The following RAB21 variants were observed in gnomAD, a reference collection of about 807,000 sequenced individuals.
The protein encoded by RAB21 is RAB21, member RAS oncogene family.
RAB21 carries 13 observed loss-of-function variants against 33.1 expected under a neutral mutation model. The observed-to-expected ratio is 0.39, with a 90% CI of 0.26 to 0.62. The LOEUF is 0.62. Among genes scored for constraint, RAB21 ranks in the 20% least tolerant of loss-of-function variants. The pLI is 0.48. For missense variants in RAB21, 234 were observed against 279.1 expected, an observed-to-expected ratio of 0.84 and a Z score of 1.15; for synonymous variants, 91 against 103.7, an observed-to-expected ratio of 0.88 and a Z score of 0.74.
At chr12:71,769,279 A>G (rs1883006258) in intron 1 of RAB21, among the ~76,000 whole-genome samples, 1 of 152,114 alleles carries the variant, frequency 6.6e-6, no homozygotes, top group African/African-American at 2.4e-5. Context: ...CTTTATTTTT[A>G]TTTCTCTAGT....
chr12:71,764,788 C>A (rs1882934198), intron 1 of RAB21, among the ~76,000 whole-genome samples: 1 of 152,154 alleles, frequency 6.6e-6, no homozygotes, highest in Admixed American at 6.5e-5. Flanking sequence ...GACATTATTT[C>A]ATTCCTTTTT....
intron 1 of RAB21, among the ~76,000 whole-genome samples, chr12:71,756,212 A>T (rs1442605365): frequency 6.6e-6 from 1 of 152,180 alleles, no homozygotes; most frequent in Non-Finnish European, 1.5e-5. Context: ...ACCTCCATCC[A>T]TTTAACTAGC....
Position 71,794,428 on chromosome 12 carries a change from T to TG in RAB21, c.*8755_*8756insG, listed in dbSNP as rs1491554627. The TG allele has an allele frequency of 1.2e-4, 4 of 34,526 alleles. No individual in the cohort carries two copies. Among genetic ancestry groups the TG allele is most frequent in the Non-Finnish European group, 1.9e-4 (4 of 21,036 alleles). The allele number at this position is 34,526 out of a possible 1,614,324, so 2.1% of individuals were successfully genotyped here. ...TATTATATATATATATATATATATA[T>TG]TTTTTTTTTTTTTTTTTTTTTTTTT... is the stretch of plus-strand genomic sequence containing the variant. On this transcript the variant is annotated 3_prime_UTR_variant, in exon 7 of 7. Coordinates refer to ENST00000261263, the MANE Select transcript of RAB21 (RefSeq NM_014999.4).
intron 1 of RAB21, among the ~76,000 whole-genome samples, chr12:71,764,653 T>TA (rs1180357722): frequency 1.3e-5 from 2 of 152,254 alleles, no homozygotes; most frequent in East Asian, 3.9e-4. Flanking sequence ...TATCATTTCT[T>TA]ACACCTTTGC....
chr12:71,755,918 C>G (rs1288283440), intron 1 of RAB21, among the ~76,000 whole-genome samples: 1 of 152,194 alleles, frequency 6.6e-6, no homozygotes, highest in East Asian at 1.9e-4. Context: ...TACTGGCCAA[C>G]AATTGGTCCC....
intron 1 of RAB21, 23 bp downstream of exon 1, chr12:71,755,311 G>T (rs775033428): frequency 7.4e-6 from 11 of 1,494,662 alleles, no homozygotes; most frequent in Non-Finnish European, 9.8e-6. Context: ...GGGAGCGGGA[G>T]GGGGCGCCTC....
intron 3 of RAB21, among the ~76,000 whole-genome samples, chr12:71,772,226 C>T (rs575022783): frequency 6.6e-6 from 1 of 152,266 alleles, no homozygotes; most frequent in East Asian, 1.9e-4. Flanking sequence ...CTCACTATAT[C>T]TGGTGTGTTA....
Position 71,785,966 on chromosome 12 carries a change from A to G in RAB21, c.*293A>G, listed in dbSNP as rs1378477410. 8.6e-5 allele frequency: 19 copies of G among 219,936 alleles called. No homozygotes were observed. The Admixed American group carries it at 1.0e-3, about 12-fold the overall frequency. 13.6% of individuals were successfully genotyped at this position (219,936 alleles called of 1,614,324 possible). On this transcript the variant is annotated 3_prime_UTR_variant, in exon 7 of 7. Coordinates refer to ENST00000261263, the MANE Select transcript of RAB21 (RefSeq NM_014999.4). ...ACCCAGGCTGGAGTGCACTGGCTTGATCTCGGCTCACTGCAAGCTCCACCT... is the reference window on the plus strand; with the variant it reads ...ACCCAGGCTGGAGTGCACTGGCTTGGTCTCGGCTCACTGCAAGCTCCACCT...
rs370170963 is a variant in RAB21, at chr12:71,779,111, G to T, written c.392-2920G>T. 2.6e-5 allele frequency among the ~76,000 whole-genome samples: 4 copies of T among 152,262 alleles called. No individual in the cohort carries two copies. The East Asian group carries it at 5.8e-4, about 22-fold the overall frequency. ...TTTTCACATCAACCCTGCAAGGTTT[G>T]TTAGCGACACATGCGTACAGTGAGA... On this transcript the variant is annotated intron_variant, in intron 4 of 6. Transcript: ENST00000261263.
At chr12:71,772,595 A>G (rs765849294) in intron 3 of RAB21, among the ~76,000 whole-genome samples, 5 of 152,172 alleles carry the variant, frequency 3.3e-5, no homozygotes, top group Non-Finnish European at 7.4e-5. Context: ...AATTGATCAG[A>G]TTAGTAGGTT....
chr12:71,779,667 T>C (rs1028416770), intron 4 of RAB21, among the ~76,000 whole-genome samples: 4 of 152,252 alleles, frequency 2.6e-5, no homozygotes, highest in Non-Finnish European at 4.4e-5. Context: ...CAAATATGTA[T>C]TTTTAAGGAA....
In RAB21 at chr12:71,782,094, T is replaced by G; in HGVS notation, c.446+9T>G. The G allele has an allele frequency of 6.2e-7, 1 of 1,604,584 alleles. No individual in the cohort carries two copies. The highest frequency in any genetic ancestry group is 8.5e-7 in the Non-Finnish European group (1 of 1,172,178). Reference sequence around the variant, plus strand: ...ATTCAAGAAGCAGAGTCGTAAGTACTGTGACCCTCCCATTCCCCATCACTC... The same window carrying G: ...ATTCAAGAAGCAGAGTCGTAAGTACGGTGACCCTCCCATTCCCCATCACTC... On this transcript the variant is annotated intron_variant, in intron 5 of 6. Coordinates refer to ENST00000261263, the MANE Select transcript of RAB21 (RefSeq NM_014999.4).
At chr12:71,756,560 C>T (rs1021047282) in intron 1 of RAB21, among the ~76,000 whole-genome samples, 2 of 152,182 alleles carry the variant, frequency 1.3e-5, no homozygotes, top group African/African-American at 4.8e-5. Context: ...TATTTTTACT[C>T]CTCTGATTTT....
intron 4 of RAB21, among the ~76,000 whole-genome samples, chr12:71,778,112 C>T (rs1320253985): frequency 6.6e-6 from 1 of 152,154 alleles, no homozygotes; most frequent in Non-Finnish European, 1.5e-5. Context: ...AGTCTACTAG[C>T]ATTTTCATGT....
intron 1 of RAB21, among the ~76,000 whole-genome samples, chr12:71,763,786 C>A (rs1397645911): frequency 1.3e-5 from 2 of 152,028 alleles, no homozygotes; most frequent in Non-Finnish European, 2.9e-5. Flanking sequence ...GGTTAGGGTC[C>A]AAGAACACTT....
At chr12:71,781,015 T>A (rs1326583759) in intron 4 of RAB21, among the ~76,000 whole-genome samples, 1 of 152,182 alleles carries the variant, frequency 6.6e-6, no homozygotes, top group Non-Finnish European at 1.5e-5. Context: ...AAGGAATCAG[T>A]ATTTTGCAGT....
At position 71,795,600 on chromosome 12, in the gene RAB21, C is replaced by T. The variant is rs1398877037; in HGVS notation, c.*9927C>T. ...TAAATTACACAGAAGCTTCCAGCTA[C>T]CTGGTATTTGCATGAAGAATTCTAA... On this transcript the variant is annotated 3_prime_UTR_variant, in exon 7 of 7. Coordinates refer to ENST00000261263, the MANE Select transcript of RAB21 (RefSeq NM_014999.4). The T allele has an allele frequency of 7.3e-6, 1 of 137,672 alleles. No homozygotes were observed. The highest frequency in any genetic ancestry group is 1.5e-5 in the Non-Finnish European group (1 of 66,102). 8.5% of individuals were successfully genotyped at this position (137,672 alleles called of 1,614,324 possible). A position where few individuals can be genotyped will look rare whatever the true frequency, so the allele number is the denominator to read the frequency against.
intron 4 of RAB21, among the ~76,000 whole-genome samples, chr12:71,777,862 T>G (rs1318812108): frequency 6.6e-6 from 1 of 152,230 alleles, no homozygotes; most frequent in African/African-American, 2.4e-5. Context: ...TATGTTCTTA[T>G]AGACCCTGTC....
At chr12:71,761,279 T>C (rs1882868622) in intron 1 of RAB21, among the ~76,000 whole-genome samples, 1 of 152,208 alleles carries the variant, frequency 6.6e-6, no homozygotes, top group Non-Finnish European at 1.5e-5. Flanking sequence ...CTGGGCATAG[T>C]GGCTCAGTAA....
Sources: allele counts gnomAD v4.1 joint callset (sites outside exome capture counted in the v4.1 genomes callset), GRCh38; gene constraint gnomAD v4.1.1; transcripts MANE v1.5; gene names NCBI Gene and HGNC (gene_info 2026-07-23, HGNC 2026-07-21).